Variants in C10orf105 observed in about 807,000 individuals in gnomAD.
The protein encoded by C10orf105 is chromosome 10 open reading frame 105, also known as uncharacterized protein C10orf105.
In C10orf105, 2 loss-of-function variants were observed where a neutral mutation model predicts 0.6. That is an observed-to-expected ratio of 3.18 (90% CI 1.30 to 10.01). C10orf105 has a LOEUF of 10.01. Ranked by LOEUF, C10orf105 falls within the 30% of genes most tolerant of loss-of-function variation. The pLI, the probability that C10orf105 is intolerant of heterozygous loss-of-function variation, is 0.04. For missense variants in C10orf105, 209 were observed against 191.4 expected, an observed-to-expected ratio of 1.09 and a Z score of -0.54; for synonymous variants, 95 against 82.4, an observed-to-expected ratio of 1.15 and a Z score of -0.83.
rs1236647535 is a variant in C10orf105 at position 71,712,823 on chromosome 10, C to G, written c.*3113G>C. On this transcript the variant is annotated 3_prime_UTR_variant, in exon 2 of 2. Transcript: ENST00000441508. ...CCACAGCATCTTGCAGGCAGGTGGC[C>G]CGTGGCCTCTGGGGCAGGTGGTGGG... 6.2e-7 allele frequency: 1 copy of G among 1,609,214 alleles called. No individual in the cohort carries two copies. The highest frequency in any genetic ancestry group is 8.5e-7 in the Non-Finnish European group (1 of 1,178,220).
chr10:71,732,208 T>G, intron 1 of C10orf105: 1 of 1,613,752 alleles, frequency 6.2e-7, no homozygotes, highest in Non-Finnish European at 8.5e-7. Context: ...GGCCGTGCAG[T>G]TCTCCAATGC....
At chr10:71,719,465 G>A (rs1247827818) in intron 1 of C10orf105, among the ~76,000 whole-genome samples, 162 bp downstream of exon 1, 3 of 152,248 alleles carry the variant, frequency 2.0e-5, no homozygotes, top group Middle Eastern at 3.4e-3. Flanking sequence ...GTGTGGCCTC[G>A]GGCTAGTCCC....
intron 1 of C10orf105, chr10:71,734,348 G>A (rs1181745994): frequency 1.2e-6 from 2 of 1,600,986 alleles, no homozygotes; most frequent in Non-Finnish European, 1.7e-6. Context: ...CGTGGTGAGT[G>A]GGACCAGGGT....
At chr10:71,726,082 CG>C (rs1422153815) in intron 1 of C10orf105, among the ~76,000 whole-genome samples, 1 of 152,144 alleles carries the variant, frequency 6.6e-6, no homozygotes, top group Non-Finnish European at 1.5e-5. Flanking sequence ...TTAGTCCTCC[CG>C]AATGGCTGAA....
At position 71,713,469 on chromosome 10, in the gene C10orf105, G is replaced by A. The variant is rs1866074994; in HGVS notation, c.*2467C>T. The A allele has an allele frequency of 3.4e-6, 2 of 583,422 alleles. No homozygotes were observed. Among genetic ancestry groups the A allele is most frequent in the Admixed American group, 6.1e-5 (2 of 32,946 alleles). The allele number at this position is 583,422 out of a possible 1,614,324, so 36.1% of individuals were successfully genotyped here. On this transcript the variant is annotated 3_prime_UTR_variant, in exon 2 of 2. Coordinates refer to ENST00000441508, the MANE Select transcript of C10orf105 (RefSeq NM_001164375.3). ...AGGGAATCTGGGCCTGCCCACTGGG[G>A]CAGGCTCCCGGGCTTGGGAGGGACA...
At chr10:71,737,350 G>T (rs988143780) in intron 1 of C10orf105, among the ~76,000 whole-genome samples, 2 of 152,246 alleles carry the variant, frequency 1.3e-5, no homozygotes, top group East Asian at 3.8e-4. Flanking sequence ...TGGAAAATCA[G>T]AGAGCTTGAA....
intron 1 of C10orf105, chr10:71,725,647 T>C: frequency 8.7e-7 from 1 of 1,151,128 alleles, no homozygotes; most frequent in South Asian, 1.6e-5. Flanking sequence ...CTGAATGACA[T>C]CTGGGCCTAA....
intron 1 of C10orf105, chr10:71,725,449 C>A (rs199866703): frequency 1.4e-5 from 23 of 1,613,900 alleles, no homozygotes; most frequent in Non-Finnish European, 1.9e-5. Flanking sequence ...GGACCGGGAG[C>A]GGAACTCATC....
chr10:71,736,761 A>G (rs1281672801), intron 1 of C10orf105, among the ~76,000 whole-genome samples: 1 of 152,216 alleles, frequency 6.6e-6, no homozygotes, highest in East Asian at 1.9e-4. Flanking sequence ...ACAGCAAGAA[A>G]CCAAAATTAG....
intron 1 of C10orf105, among the ~76,000 whole-genome samples, chr10:71,727,690 C>A (rs542408112): frequency 6.6e-6 from 1 of 152,128 alleles, no homozygotes; most frequent in Non-Finnish European, 1.5e-5. Flanking sequence ...CATATGCCCA[C>A]GCACACCTCC....
At chr10:71,732,465 T>C (rs1450707529) in intron 1 of C10orf105, 1 of 1,513,974 alleles carries the variant, frequency 6.6e-7, no homozygotes, top group Non-Finnish European at 8.9e-7. Flanking sequence ...CTCCTCTTTG[T>C]CATAAAATGT....
chr10:71,728,747 G>A (rs1866924583), intron 1 of C10orf105, among the ~76,000 whole-genome samples: 1 of 152,120 alleles, frequency 6.6e-6, no homozygotes, highest in African/African-American at 2.4e-5. Context: ...TCCTGTTCTG[G>A]GGCCAGCTCA....
chr10:71,715,463 C>G lies in C10orf105; in HGVS notation c.*473G>C, dbSNP rs754846664. 1 of 152,916 alleles carries G rather than the reference C, an allele frequency of 6.5e-6. No individual in the cohort carries two copies. Among genetic ancestry groups the G allele is most frequent in the Non-Finnish European group, 1.5e-5 (1 of 68,510 alleles). The allele number at this position is 152,916 out of a possible 1,614,324, so 9.5% of individuals were successfully genotyped here. A position where few individuals can be genotyped will look rare whatever the true frequency, so the allele number is the denominator to read the frequency against. ...AGAGCCCCGAGGTTTTGCCCCAGCACTGGGCCAGCACAGATGCCAGGACAG... is the reference window on the plus strand; with the variant it reads ...AGAGCCCCGAGGTTTTGCCCCAGCAGTGGGCCAGCACAGATGCCAGGACAG... On this transcript the variant is annotated 3_prime_UTR_variant, in exon 2 of 2. Coordinates refer to ENST00000441508, the MANE Select transcript of C10orf105 (RefSeq NM_001164375.3).
intron 1 of C10orf105, chr10:71,732,021 G>T: frequency 6.2e-7 from 1 of 1,613,916 alleles, no homozygotes; most frequent in Non-Finnish European, 8.5e-7. Flanking sequence ...GCATCCTGTC[G>T]GGCGCAGAGG....
rs1243195465 is a variant in C10orf105, at chr10:71,711,799, T to C, written c.*4137A>G. 1 of 152,182 alleles carries C rather than the reference T, an allele frequency of 6.6e-6. No homozygotes were observed. The highest frequency in any genetic ancestry group is 1.5e-5 in the Non-Finnish European group (1 of 68,024). 9.4% of individuals were successfully genotyped at this position (152,182 alleles called of 1,614,324 possible). A position where few individuals can be genotyped will look rare whatever the true frequency, so the allele number is the denominator to read the frequency against. On this transcript the variant is annotated 3_prime_UTR_variant, in exon 2 of 2. Coordinates refer to ENST00000441508, the MANE Select transcript of C10orf105 (RefSeq NM_001164375.3). The stretch of plus-strand genomic sequence containing the variant: ...GGTGTCTCTGGGCCCACATTCTGCC[T>C]GTCCGCTGTGGACTGGAGTGGAGGA...
intron 1 of C10orf105, among the ~76,000 whole-genome samples, chr10:71,736,382 C>T (rs1839566157): frequency 6.6e-6 from 1 of 152,220 alleles, no homozygotes; most frequent in Non-Finnish European, 1.5e-5. Context: ...CAAACCACAG[C>T]TCACCTCCAC....
intron 1 of C10orf105, among the ~76,000 whole-genome samples, chr10:71,736,494 C>G (rs1042991267): frequency 2.0e-5 from 3 of 152,174 alleles, no homozygotes; most frequent in Non-Finnish European, 4.4e-5. Flanking sequence ...GCTATAAGAG[C>G]TCTTGAGTAA....
chr10:71,732,641 A>G (rs929323229), intron 1 of C10orf105: 15 of 1,396,628 alleles, frequency 1.1e-5, no homozygotes, highest in Admixed American at 6.1e-5. Flanking sequence ...TCTTACAAAG[A>G]AACAAAAAAA....
upstream of C10orf105, among the ~76,000 whole-genome samples, chr10:71,723,469 C>T (rs971346324): frequency 6.6e-5 from 10 of 152,150 alleles, no homozygotes; most frequent in South Asian, 2.1e-4. Flanking sequence ...GTCGCAGCCA[C>T]GCCAGCCAGG....
Sources: allele counts gnomAD v4.1 joint callset (sites outside exome capture counted in the v4.1 genomes callset), GRCh38; gene constraint gnomAD v4.1.1; transcripts MANE v1.5; gene names NCBI Gene and HGNC (gene_info 2026-07-23, HGNC 2026-07-21).